Variants in TSHR observed in about 807,000 individuals in gnomAD.
TSHR encodes thyrotropin receptor.
A neutral mutation model predicts 64.1 loss-of-function variants in TSHR; 51 were observed. The ratio of observed to expected loss-of-function variants is 0.80; its 90% confidence interval spans 0.64 to 1.01. The LOEUF (loss-of-function observed/expected upper bound fraction) is 1.01. Ranked by LOEUF, TSHR falls within the 50% of genes least tolerant of loss-of-function variation. The pLI, the probability that TSHR is intolerant of heterozygous loss-of-function variation, is 0.00. For missense variants in TSHR, 877 were observed against 942.8 expected, an observed-to-expected ratio of 0.93 and a Z score of 0.91; for synonymous variants, 361 against 361.9, an observed-to-expected ratio of 1.00 and a Z score of 0.03.
At chr14:81,033,003 G>A (rs1303534145) in intron 1 of TSHR, 1 of 360,848 alleles carries the variant, frequency 2.8e-6, no homozygotes, top group South Asian at 3.0e-5. Context: ...TGCTGTGTGG[G>A]GCAGATTTAC....
intron 8 of TSHR, among the ~76,000 whole-genome samples, chr14:81,132,782 A>G (rs1382021735): frequency 2.0e-5 from 3 of 152,060 alleles, no homozygotes; most frequent in Non-Finnish European, 2.9e-5. Context: ...CTTTCTATCC[A>G]TATGGCTACA....
At chr14:81,010,724 AT>A (rs1889859721) in intron 1 of TSHR, among the ~76,000 whole-genome samples, 1 of 152,290 alleles carries the variant, frequency 6.6e-6, no homozygotes, top group Non-Finnish European at 1.5e-5. Flanking sequence ...GAATAGCAAC[AT>A]TCTGTCTTCT....
Position 81,068,261 on chromosome 14 carries a change from T to C in TSHR, c.250T>C (p.Ser84Pro). 1.2e-6 allele frequency: 2 copies of C among 1,612,940 alleles called. No homozygotes were observed. Among genetic ancestry groups the C allele is most frequent in the Non-Finnish European group, 1.7e-6 (2 of 1,179,286 alleles). The change falls in exon 3 of 10, where the codon TCT (serine) becomes CCT (proline). Residue 84 changes from serine (S) to proline (P), a missense_variant. Transcript: ENST00000298171. Reference sequence around the variant, plus strand: ...TATTTTTCTGACATTCAGCTACGTATCTATAGATGTGACTCTGCAGCAGCT... The same window carrying C: ...TATTTTTCTGACATTCAGCTACGTACCTATAGATGTGACTCTGCAGCAGCT... ...NLPNISRIYV[S>P]IDVTLQQLES...
intron 1 of TSHR, among the ~76,000 whole-genome samples, chr14:80,999,129 C>A (rs572140397): frequency 2.4e-4 from 36 of 152,158 alleles, no homozygotes; most frequent in Non-Finnish European, 4.7e-4. Flanking sequence ...ATATCGTGTA[C>A]TTTAACCTCA....
At chr14:81,086,782 G>C (rs1566804016) in intron 3 of TSHR, among the ~76,000 whole-genome samples, 1 of 152,200 alleles carries the variant, frequency 6.6e-6, no homozygotes. Flanking sequence ...CAACATGGAT[G>C]AACCTCACAG....
At chr14:81,033,631 A>AT (rs1171806498) in intron 1 of TSHR, among the ~76,000 whole-genome samples, 1 of 151,978 alleles carries the variant, frequency 6.6e-6, no homozygotes, top group African/African-American at 2.4e-5. Context: ...AAAAAAAAAA[A>AT]AAAAATGTAC....
chr14:81,108,249 T>C, intron 7 of TSHR, 126 bp from the exon 8 acceptor site: 1 of 803,418 alleles, frequency 1.2e-6, no homozygotes, highest in Non-Finnish European at 2.1e-6. Context: ...AGATAAAGTA[T>C]CTTCTAAATT....
chr14:81,009,483 G>T (rs1011487696), intron 1 of TSHR, among the ~76,000 whole-genome samples: 1 of 152,050 alleles, frequency 6.6e-6, no homozygotes, highest in Non-Finnish European at 1.5e-5. Flanking sequence ...GTTCCTCTTT[G>T]TTTCATGTTC....
intron 1 of TSHR, among the ~76,000 whole-genome samples, chr14:81,027,095 T>C (rs1884102552): frequency 1.4e-5 from 2 of 144,756 alleles, no homozygotes; most frequent in Admixed American, 1.4e-4. Flanking sequence ...ATGTTGAAAA[T>C]ATAAGTGAAG....
At chr14:81,021,158 C>T (rs896625005) in intron 1 of TSHR, among the ~76,000 whole-genome samples, 1 of 152,034 alleles carries the variant, frequency 6.6e-6, no homozygotes, top group Non-Finnish European at 1.5e-5. Context: ...AGAACCATGC[C>T]CCCGACCCTG....
rs1891912372 is a variant in TSHR at position 81,145,959 on chromosome 14, T to G, written c.*1606T>G. On this transcript the variant is annotated 3_prime_UTR_variant, in exon 10 of 10. Coordinates refer to ENST00000298171, the MANE Select transcript of TSHR (RefSeq NM_000369.5). ...AGTGTCGTTAATGGGTCCCCACAGA[T>G]GGTCCCTGCTGGACTCACCTGGAAT... The G allele has an allele frequency of 4.3e-6, 1 of 232,072 alleles. No homozygotes were observed. Among genetic ancestry groups the G allele is most frequent in the Non-Finnish European group, 8.5e-6 (1 of 117,388 alleles). The allele number at this position is 232,072 out of a possible 1,614,324, so 14.4% of individuals were successfully genotyped here.
intron 1 of TSHR, among the ~76,000 whole-genome samples, chr14:81,023,073 G>A (rs1046975254): frequency 6.6e-6 from 1 of 152,098 alleles, no homozygotes; most frequent in Non-Finnish European, 1.5e-5. Flanking sequence ...TCTAGAAGGT[G>A]AGAAATAAAT....
At chr14:81,027,090 G>A (rs1374248682) in intron 1 of TSHR, among the ~76,000 whole-genome samples, 1 of 151,052 alleles carries the variant, frequency 6.6e-6, no homozygotes, top group African/African-American at 2.4e-5. Flanking sequence ...TGCCCATGTT[G>A]AAAATATAAG....
intron 1 of TSHR, among the ~76,000 whole-genome samples, chr14:81,008,388 G>T (rs1889719501): frequency 1.3e-5 from 2 of 151,934 alleles, no homozygotes. Context: ...TAGCCAGGAT[G>T]GTCTCCATCT....
rs577945342 is a variant in TSHR at position 80,993,138 on chromosome 14, C to T, written c.170+37288C>T. Reference sequence around the variant, plus strand: ...TATTTGAAGGAGATCCAGTGTTGTCCCAGTAGGCAAAACTTAGACCAAAAA... The same window carrying T: ...TATTTGAAGGAGATCCAGTGTTGTCTCAGTAGGCAAAACTTAGACCAAAAA... On this transcript the variant is annotated intron_variant, in intron 1 of 9. Transcript: ENST00000298171. The T allele has an allele frequency of 5.3e-5, 8 of 152,146 alleles. 1 individual carries two copies. Among genetic ancestry groups the T allele is most frequent in the African/African-American group, 1.9e-4 (8 of 41,484 alleles). The allele number at this position is 152,146 out of a possible 1,614,324, so 9.4% of individuals were successfully genotyped here. A position where few individuals can be genotyped will look rare whatever the true frequency, so the allele number is the denominator to read the frequency against.
intron 1 of TSHR, among the ~76,000 whole-genome samples, chr14:81,023,049 T>C (rs949943117): frequency 6.8e-6 from 1 of 148,112 alleles, no homozygotes; most frequent in African/African-American, 2.5e-5. Context: ...GCCTTGATCT[T>C]GGGCTTCCCA....
At chr14:81,005,869 C>T (rs1038942103) in intron 1 of TSHR, among the ~76,000 whole-genome samples, 9 of 152,292 alleles carry the variant, frequency 5.9e-5, no homozygotes, top group East Asian at 1.9e-4. Flanking sequence ...TTAATAGTAA[C>T]GGGTCCTTTG....
At chr14:81,135,706 G>T (rs749419831) in intron 8 of TSHR, among the ~76,000 whole-genome samples, 9 of 152,154 alleles carry the variant, frequency 5.9e-5, no homozygotes, top group African/African-American at 1.7e-4. Flanking sequence ...TGGAAGACAA[G>T]AAATAAAGAC....
At chr14:81,120,444 T>C (rs1166050151) in intron 8 of TSHR, among the ~76,000 whole-genome samples, 1 of 152,248 alleles carries the variant, frequency 6.6e-6, no homozygotes, top group Non-Finnish European at 1.5e-5. Flanking sequence ...GATGCCATTA[T>C]AAATGGGATT....
Sources: gnomAD v4.1 joint callset for allele counts (sites outside exome capture counted in the v4.1 genomes callset) on GRCh38, gnomAD v4.1.1 for gene constraint, MANE v1.5 for transcripts, NCBI Gene and HGNC (gene_info 2026-07-23, HGNC 2026-07-21) for gene names.